Variants in MED15 observed in about 807,000 individuals in gnomAD.
MED15 encodes the protein mediator complex subunit 15.
MED15 carries 41 observed loss-of-function variants against 118.7 expected under a neutral mutation model. That is an observed-to-expected ratio of 0.35 (90% CI 0.27 to 0.45). The LOEUF (loss-of-function observed/expected upper bound fraction) is 0.45, where lower values mean the gene tolerates loss of function less well. MED15 is among the 20% of genes least tolerant of loss of function. MED15 has a pLI of 1.00. For synonymous variants in MED15, 436 were observed against 413.9 expected, an observed-to-expected ratio of 1.05 and a Z score of -0.65; for missense variants, 740 against 1,025.5, an observed-to-expected ratio of 0.72 and a Z score of 3.80.
intron 2 of MED15, among the ~76,000 whole-genome samples, chr22:20,547,336 C>T (rs566770873): frequency 6.6e-6 from 1 of 152,134 alleles, no homozygotes; most frequent in African/African-American, 2.4e-5. Context: ...ATATTCAGCT[C>T]ATTTGTTTTA....
At chr22:20,575,896 C>G (rs905050843) in intron 9 of MED15, among the ~76,000 whole-genome samples, 1 of 152,182 alleles carries the variant, frequency 6.6e-6, no homozygotes, top group East Asian at 1.9e-4. Flanking sequence ...GTGGACAGCA[C>G]AGACTCCAGA....
chr22:20,571,963 A>G (rs2056674894), intron 8 of MED15, among the ~76,000 whole-genome samples: 2 of 152,208 alleles, frequency 1.3e-5, no homozygotes, highest in South Asian at 4.1e-4. Context: ...CCACATCAAT[A>G]GGGGATGAAA....
rs760582163 is a variant in MED15 at position 20,562,156 on chromosome 22, G to A, written c.452-2294G>A. Among the ~76,000 whole-genome samples, 16 of 151,794 alleles carry A rather than the reference G, an allele frequency of 1.1e-4. No homozygotes were observed. The East Asian group carries it at 1.4e-3, about 13-fold the overall frequency. On this transcript the variant is annotated intron_variant, in intron 5 of 17. Transcript: ENST00000263205. ...AGCCTGGGTGACAGAGCAAAATCCC[G>A]TCTCAAAAAAGAAACAAACAAAAAA... is the stretch of plus-strand genomic sequence containing the variant.
chr22:20,566,363 G>T, intron 6 of MED15, 104 bp from the exon 7 acceptor site: 1 of 1,554,688 alleles, frequency 6.4e-7, no homozygotes, highest in Non-Finnish European at 8.7e-7. Context: ...TGATGGCTCT[G>T]CAGATGGCCA....
intron 1 of MED15, among the ~76,000 whole-genome samples, chr22:20,530,024 C>A (rs927103863): frequency 6.6e-6 from 1 of 152,130 alleles, no homozygotes; most frequent in Non-Finnish European, 1.5e-5. Context: ...ACACCTAGTC[C>A]AAATCTTTTT....
chr22:20,579,431 G>T (rs1376682547), intron 9 of MED15, among the ~76,000 whole-genome samples: 2 of 152,086 alleles, frequency 1.3e-5, no homozygotes, highest in East Asian at 3.9e-4. Context: ...CTGGCTGCCA[G>T]CTGCCAGGGT....
intron 2 of MED15, among the ~76,000 whole-genome samples, chr22:20,547,479 G>A (rs1367062790): frequency 6.6e-6 from 1 of 152,132 alleles, no homozygotes; most frequent in Non-Finnish European, 1.5e-5. Context: ...TGGGGACTGA[G>A]CAAAAGACAA....
At chr22:20,547,939 G>A (rs2055616972) in intron 2 of MED15, among the ~76,000 whole-genome samples, 1 of 152,194 alleles carries the variant, frequency 6.6e-6, no homozygotes, top group Non-Finnish European at 1.5e-5. Context: ...AGTTGAAACT[G>A]CAGTGAGCGA....
At chr22:20,583,442 C>A in intron 13 of MED15, 49 bp downstream of exon 13, 1 of 1,603,074 alleles carries the variant, frequency 6.2e-7, no homozygotes, top group South Asian at 1.1e-5. Context: ...CACAGATAGC[C>A]CAGCCATGGA....
At chr22:20,577,723 C>T (rs182619575) in intron 9 of MED15, among the ~76,000 whole-genome samples, 1 of 151,818 alleles carries the variant, frequency 6.6e-6, no homozygotes, top group African/African-American at 2.4e-5. Context: ...AATCACCAGG[C>T]CCCGCCCATT....
intron 5 of MED15, among the ~76,000 whole-genome samples, chr22:20,557,362 C>G (rs938645096): frequency 2.6e-5 from 4 of 152,172 alleles, no homozygotes; most frequent in African/African-American, 9.7e-5. Context: ...CCTTCTCATA[C>G]CTTAATTCTC....
intron 8 of MED15, among the ~76,000 whole-genome samples, chr22:20,572,784 G>A (rs548020120): frequency 6.6e-6 from 1 of 152,282 alleles, no homozygotes; most frequent in Admixed American, 6.5e-5. Context: ...AGTTAGCTGG[G>A]CGGAGTGGTG....
At chr22:20,544,840 A>C (rs1231174832) in intron 2 of MED15, among the ~76,000 whole-genome samples, 1 of 151,752 alleles carries the variant, frequency 6.6e-6, no homozygotes, top group Non-Finnish European at 1.5e-5. Context: ...TGGCTGTATC[A>C]CTCCAGTCTT....
At chr22:20,579,249 A>C (rs991242167) in intron 9 of MED15, among the ~76,000 whole-genome samples, 1 of 152,086 alleles carries the variant, frequency 6.6e-6, no homozygotes, top group Non-Finnish European at 1.5e-5. Flanking sequence ...TCTTTGGATG[A>C]GTCTTTGCAG....
chr22:20,563,871 T>A (rs1163995873), intron 5 of MED15, among the ~76,000 whole-genome samples: 1 of 152,212 alleles, frequency 6.6e-6, no homozygotes, highest in Non-Finnish European at 1.5e-5. Context: ...TTAGAACATT[T>A]TTATGTTCAC....
intron 1 of MED15, among the ~76,000 whole-genome samples, chr22:20,511,087 G>T (rs2054048048): frequency 6.6e-6 from 1 of 152,176 alleles, no homozygotes. Context: ...GTTAAAAAAA[G>T]ATTTGCATTA....
rs12170388 is a variant in MED15, at chr22:20,582,411, G to C, written c.1273-200G>C. On this transcript the variant is annotated intron_variant, in intron 9 of 17. Transcript: ENST00000263205. The stretch of plus-strand genomic sequence containing the variant: ...GGGCTGCCCTGCCTGGGCCCCCCCC[G>C]CCAGCCCCTTGGTCACCTCATGCTG... 4.8e-4 allele frequency: 369 copies of C among 767,190 alleles called. 1 individual carries two copies. In the African/African-American group the frequency reaches 6.0e-3, roughly 12 times the overall value. The allele number at this position is 767,190 out of a possible 1,614,324, so 47.5% of individuals were successfully genotyped here.
Position 20,585,843 on chromosome 22 carries a change from G to A in MED15, c.2230+17G>A. On this transcript the variant is annotated intron_variant, in intron 17 of 17. Coordinates refer to ENST00000263205, the MANE Select transcript of MED15 (RefSeq NM_001003891.3). ...GGCAGTACGGTAGGTAGACCCAGAG[G>A]AGCTGTCTGGGGACCCAGGGCAAGC... is the stretch of plus-strand genomic sequence containing the variant. The A allele has an allele frequency of 6.2e-7, 1 of 1,610,124 alleles. No individual in the cohort carries two copies. The highest frequency in any genetic ancestry group is 1.1e-5 in the South Asian group (1 of 90,998).
rs1430410196 is a variant in MED15, at chr22:20,570,248, C to A, written c.1152+1617C>A. 2.0e-5 allele frequency among the ~76,000 whole-genome samples: 3 copies of A among 151,744 alleles called. No homozygotes were observed. The East Asian group carries it at 5.8e-4, about 29-fold the overall frequency. On this transcript the variant is annotated intron_variant, in intron 8 of 17. Transcript: ENST00000263205. Reference sequence around the variant, plus strand: ...TCATGTTGGCCAGGATGGTCTCCATCTCTTGACCTCGTGATCTGCCGGCCT... The same window carrying A: ...TCATGTTGGCCAGGATGGTCTCCATATCTTGACCTCGTGATCTGCCGGCCT...
Sources: gnomAD v4.1 joint callset for allele counts (sites outside exome capture counted in the v4.1 genomes callset) on GRCh38, gnomAD v4.1.1 for gene constraint, MANE v1.5 for transcripts, NCBI Gene and HGNC (gene_info 2026-07-23, HGNC 2026-07-21) for gene names.